Variants in PRDM14 observed in about 807,000 individuals in gnomAD.
PRDM14 encodes PR/SET domain 14.
PRDM14 carries 16 observed loss-of-function variants against 48.0 expected under a neutral mutation model. The observed-to-expected ratio is 0.33, with a 90% CI of 0.23 to 0.51. The LOEUF (loss-of-function observed/expected upper bound fraction) is 0.51, where lower values mean the gene tolerates loss of function less well. Among genes scored for constraint, PRDM14 ranks in the 20% least tolerant of loss-of-function variants. The pLI, the probability that PRDM14 is intolerant of heterozygous loss-of-function variation, is 0.97. For missense variants in PRDM14, 566 were observed against 719.6 expected (o/e 0.79, Z 2.44); for synonymous variants, 264 against 276.6 (o/e 0.95, Z 0.45).
chr8:70,053,098 TAAAAA>T (rs71275048), intron 7 of PRDM14, among the ~76,000 whole-genome samples: 2 of 82,164 alleles, frequency 2.4e-5, no homozygotes, highest in South Asian at 5.3e-4. Context: ...ACCCTCTCTT[TAAAAA>T]AAAAAAAAAA....
Position 70,058,654 on chromosome 8 carries a change from G to T in PRDM14, c.1372C>A (p.His458Asn). 1 of 1,613,706 alleles carries T rather than the reference G, an allele frequency of 6.2e-7. No homozygotes were observed. The highest frequency in any genetic ancestry group is 8.5e-7 in the Non-Finnish European group (1 of 1,179,822). Residue 458 changes from histidine to asparagine, a missense_variant, in exon 6 of 8, where the codon CAC becomes AAC. By Grantham distance (68) the His-to-Asn change is moderately conservative. Coordinates refer to ENST00000276594, the MANE Select transcript of PRDM14 (RefSeq NM_024504.4). ...RIHILHVHEK[H>N]RPHKCSTCGK... The stretch of plus-strand genomic sequence containing the variant: ...CTAATACTCACCTTGTGAGGCCGGT[G>T]CTTCTCATGAACATGAAGAATGTGG...
chr8:70,063,170 A>G (rs1329249633), intron 5 of PRDM14, among the ~76,000 whole-genome samples: 1 of 152,190 alleles, frequency 6.6e-6, no homozygotes, highest in Non-Finnish European at 1.5e-5. Context: ...ATGGTGTCTC[A>G]TGCCTGTTAT....
intron 5 of PRDM14, among the ~76,000 whole-genome samples, chr8:70,061,556 C>T (rs1411738869): frequency 1.3e-5 from 2 of 152,196 alleles, no homozygotes; most frequent in Admixed American, 1.3e-4. Context: ...TCAGAATCCC[C>T]GTGCTGGGAC....
chr8:70,060,135 T>C (rs1487443227), intron 5 of PRDM14, among the ~76,000 whole-genome samples: 2 of 149,446 alleles, frequency 1.3e-5, no homozygotes, highest in Non-Finnish European at 3.0e-5. Context: ...GTGCAGTGGC[T>C]CACGCCTATA....
At chr8:70,056,862 G>A (rs4738067) in intron 6 of PRDM14, among the ~76,000 whole-genome samples, 22,883 of 147,132 alleles carry the variant, frequency 0.16, 1,871 homozygotes, top group East Asian at 0.26. Context: ...TGTACTGTAA[G>A]AGCACCTCGT....
At chr8:70,066,760 C>G (rs1220216465) in intron 4 of PRDM14, among the ~76,000 whole-genome samples, 1 of 152,180 alleles carries the variant, frequency 6.6e-6, no homozygotes, top group Non-Finnish European at 1.5e-5. Context: ...GAGTCTCACT[C>G]TGTTGCCCAG....
chr8:70,058,252 A>G (rs1293202602), intron 6 of PRDM14, among the ~76,000 whole-genome samples: 1 of 152,180 alleles, frequency 6.6e-6, no homozygotes, highest in Non-Finnish European at 1.5e-5. Flanking sequence ...CCAGGAGCAC[A>G]TGCCAGGCTC....
intron 7 of PRDM14, among the ~76,000 whole-genome samples, chr8:70,052,827 T>A (rs1355139039): frequency 8.1e-6 from 1 of 123,632 alleles, no homozygotes; most frequent in African/African-American, 3.2e-5. Context: ...ATTGCACCAC[T>A]GTACTCCAGC....
At chr8:70,064,963 T>C (rs1805643148) in intron 5 of PRDM14, among the ~76,000 whole-genome samples, 1 of 151,882 alleles carries the variant, frequency 6.6e-6, no homozygotes, top group South Asian at 2.1e-4. Context: ...CTTGGCATAT[T>C]GCAACCTCTG....
intron 4 of PRDM14, 49 bp downstream of exon 4, chr8:70,068,181 T>C (rs776237674): frequency 3.1e-6 from 5 of 1,607,440 alleles, no homozygotes; most frequent in Non-Finnish European, 4.3e-6. Context: ...TTCCCCGGAC[T>C]AGTCTCCCGC....
intron 4 of PRDM14, 122 bp downstream of exon 4, chr8:70,068,108 A>G: frequency 9.1e-7 from 1 of 1,093,604 alleles, no homozygotes; most frequent in Non-Finnish European, 1.3e-6. Flanking sequence ...CAAACCACAG[A>G]TATCTGCCCT....
chr8:70,066,482 G>T lies in PRDM14; in HGVS notation c.936C>A (p.Ser312Arg). 6.2e-7 allele frequency: 1 copy of T among 1,613,548 alleles called. No homozygotes were observed. The highest frequency in any genetic ancestry group is 8.5e-7 in the Non-Finnish European group (1 of 1,179,720). ...MWEIFEDGHL[S>R]HFIDGKGGTG... The stretch of plus-strand genomic sequence containing the variant: ...TACCTCCTTTTCCATCTATAAAGTG[G>T]CTCAAATGACCATCTTCAAAGATCT... The change falls in exon 5 of 8, where the codon AGC becomes AGA. Residue 312 changes from serine (S) to arginine (R), a missense_variant. Transcript: ENST00000276594.
intron 7 of PRDM14, among the ~76,000 whole-genome samples, chr8:70,052,771 G>A (rs1805408196): frequency 6.7e-6 from 1 of 150,002 alleles, no homozygotes; most frequent in Admixed American, 6.7e-5. Flanking sequence ...AGGCTGAGAT[G>A]GGAGAATTTC....
intron 7 of PRDM14, among the ~76,000 whole-genome samples, chr8:70,054,032 C>T (rs984794087): frequency 2.6e-5 from 4 of 152,194 alleles, no homozygotes; most frequent in South Asian, 4.1e-4. Context: ...AACTTTACTT[C>T]GTCTTTACTA....
intron 4 of PRDM14, among the ~76,000 whole-genome samples, chr8:70,067,951 A>G (rs1053465928): frequency 2.0e-5 from 3 of 152,192 alleles, no homozygotes; most frequent in African/African-American, 7.2e-5. Context: ...TATAAATATA[A>G]TACAACATAT....
chr8:70,068,962 A>G (rs780410252), intron 2 of PRDM14, among the ~76,000 whole-genome samples, 199 bp downstream of exon 2: 1 of 152,196 alleles, frequency 6.6e-6, no homozygotes, highest in Non-Finnish European at 1.5e-5. Context: ...AGCTCTCACT[A>G]AAACCAACCT....
At chr8:70,070,238 A>G (rs1046519743) in intron 1 of PRDM14, among the ~76,000 whole-genome samples, 2 of 151,992 alleles carry the variant, frequency 1.3e-5, no homozygotes, top group Admixed American at 6.6e-5. Context: ...TGCAAAACCC[A>G]TTGAAGTTCC....
intron 6 of PRDM14, among the ~76,000 whole-genome samples, chr8:70,055,658 A>G (rs368364218): frequency 2.6e-4 from 39 of 152,230 alleles, no homozygotes; most frequent in African/African-American, 9.1e-4. Context: ...GGTGCGTGCC[A>G]CTAAGCCAGC....
intron 5 of PRDM14, 54 bp downstream of exon 5, chr8:70,066,181 C>T: frequency 6.3e-7 from 1 of 1,576,748 alleles, no homozygotes; most frequent in Non-Finnish European, 8.6e-7. Flanking sequence ...TGGAAAAGAG[C>T]CCAGTCCTTC....
Sources: allele counts gnomAD v4.1 joint callset (sites outside exome capture counted in the v4.1 genomes callset), GRCh38; gene constraint gnomAD v4.1.1; transcripts MANE v1.5; gene names NCBI Gene and HGNC (gene_info 2026-07-23, HGNC 2026-07-21).